LRP1B: variants seen among roughly 807,000 people sequenced by gnomAD.
The protein encoded by LRP1B is LDL receptor related protein 1B.
In LRP1B, 217 loss-of-function variants were observed where a neutral mutation model predicts 556.6. The observed-to-expected ratio is 0.39, with a 90% confidence interval of 0.35 to 0.44. The LOEUF is 0.44. Among genes scored for constraint, LRP1B ranks in the 20% least tolerant of loss-of-function variants. LRP1B has a pLI of 1.00. For synonymous variants in LRP1B, 2,047 were observed against 1,865.8 expected (o/e 1.10, Z -2.50); for missense variants, 5,053 against 5,620.8 (o/e 0.90, Z 3.23).
At chr2:141,924,510 G>A (rs1700283292) in intron 1 of LRP1B, among the ~76,000 whole-genome samples, 1 of 152,152 alleles carries the variant, frequency 6.6e-6, no homozygotes, top group Non-Finnish European at 1.5e-5. Context: ...AAAAGGCAGA[G>A]GGTCCATCGA....
Position 140,238,209 on chromosome 2 carries a change from A to G in LRP1B, c.13503T>C (p.Asp4501=), listed in dbSNP as rs1680796944. 6.2e-7 allele frequency: 1 copy of G among 1,604,936 alleles called. No individual in the cohort carries two copies. ...GNPSYNMYEV[D]HDHNDGGLLD... ...AAAGACCTCCATCGTTGTGATCATGATCTACCTCATACATGTTATAAGATG... is the reference window on the plus strand; with the variant it reads ...AAAGACCTCCATCGTTGTGATCATGGTCTACCTCATACATGTTATAAGATG... The change falls in exon 89 of 91, where the codon GAT becomes GAC. Residue 4501 remains aspartate, a synonymous_variant. Coordinates refer to ENST00000389484, the MANE Select transcript of LRP1B (RefSeq NM_018557.3).
At chr2:141,368,369 T>C (rs999762710) in intron 3 of LRP1B, among the ~76,000 whole-genome samples, 2 of 152,176 alleles carry the variant, frequency 1.3e-5, no homozygotes, top group African/African-American at 4.8e-5. Flanking sequence ...TGCAAAGCAC[T>C]GAAAACTAAT....
At chr2:141,385,183 T>C (rs1178095351) in intron 3 of LRP1B, among the ~76,000 whole-genome samples, 1 of 152,130 alleles carries the variant, frequency 6.6e-6, no homozygotes, top group Admixed American at 6.5e-5. Flanking sequence ...AGCCCAATGT[T>C]AACCACTAAT....
chr2:141,376,683 G>A (rs1559037881), intron 3 of LRP1B, among the ~76,000 whole-genome samples: 2 of 152,070 alleles, frequency 1.3e-5, no homozygotes, highest in African/African-American at 2.4e-5. Context: ...AATTTAAAAT[G>A]AGTGGCTAAA....
intron 6 of LRP1B, among the ~76,000 whole-genome samples, chr2:141,228,481 GGTGT>G (rs1019588379): frequency 3.4e-5 from 5 of 147,860 alleles, no homozygotes; most frequent in Non-Finnish European, 7.5e-5. Flanking sequence ...TGCATCTCTG[GGTGT>G]GTGTGTGTAT....
In LRP1B at chr2:140,536,714, A is replaced by G; in HGVS notation, c.7514-5T>C. The G allele has an allele frequency of 6.3e-7, 1 of 1,582,938 alleles. No homozygotes were observed. Among genetic ancestry groups the G allele is most frequent in the South Asian group, 1.2e-5 (1 of 84,964 alleles). On this transcript the variant is annotated splice_region_variant and splice_polypyrimidine_tract_variant and intron_variant, in intron 45 of 90. Coordinates refer to ENST00000389484, the MANE Select transcript of LRP1B (RefSeq NM_018557.3). ...CGTTGCAGGAGGAATTTTTAGCTGC[A>G]AGAAAAAAAAAAAAAGTCAATACTT...
At chr2:141,880,850 T>C (rs1698935250) in intron 1 of LRP1B, among the ~76,000 whole-genome samples, 1 of 148,028 alleles carries the variant, frequency 6.8e-6, no homozygotes, top group South Asian at 2.2e-4. Flanking sequence ...ACACTGTGAA[T>C]ACAATACAAA....
intron 1 of LRP1B, among the ~76,000 whole-genome samples, chr2:141,934,615 T>C (rs919369560): frequency 6.6e-6 from 1 of 151,894 alleles, no homozygotes; most frequent in Non-Finnish European, 1.5e-5. Context: ...AATCCCCACA[T>C]GTTGTGGGAG....
At chr2:141,441,103 G>T (rs566127312) in intron 3 of LRP1B, among the ~76,000 whole-genome samples, 18 of 151,870 alleles carry the variant, frequency 1.2e-4, no homozygotes, top group Middle Eastern at 6.8e-3. Flanking sequence ...CTGGGTCGGA[G>T]TCTTGCTCTG....
chr2:141,560,053 T>C (rs1686090547), intron 2 of LRP1B, among the ~76,000 whole-genome samples: 3 of 151,672 alleles, frequency 2.0e-5, no homozygotes. Flanking sequence ...CCTGCCTTCT[T>C]AATTGCTTTG....
intron 6 of LRP1B, among the ~76,000 whole-genome samples, chr2:141,216,484 TC>T (rs1682819525): frequency 2.6e-5 from 4 of 152,108 alleles, no homozygotes; most frequent in Admixed American, 2.6e-4. Flanking sequence ...CACTCAGAGT[TC>T]CCAGTGGGGC....
intron 3 of LRP1B, among the ~76,000 whole-genome samples, chr2:141,319,066 C>T (rs543605752): frequency 6.6e-6 from 1 of 152,016 alleles, no homozygotes; most frequent in South Asian, 2.1e-4. Flanking sequence ...TTGCTTTATG[C>T]CTTCCCCTAG....
intron 3 of LRP1B, among the ~76,000 whole-genome samples, chr2:141,380,721 C>A (rs1237777102): frequency 1.3e-5 from 2 of 152,176 alleles, no homozygotes; most frequent in Non-Finnish European, 2.9e-5. Flanking sequence ...CAGCTTTTTC[C>A]CCGAGGAGAG....
intron 43 of LRP1B, chr2:140,586,626 ACT>A (rs1179805562): frequency 1.3e-5 from 2 of 151,898 alleles, no homozygotes; most frequent in East Asian, 3.9e-4. Context: ...CTGAACTCCC[ACT>A]CTTCATCCAG....
At chr2:140,528,095 C>A (rs994762026) in intron 47 of LRP1B, among the ~76,000 whole-genome samples, 1 of 151,872 alleles carries the variant, frequency 6.6e-6, no homozygotes, top group Non-Finnish European at 1.5e-5. Context: ...ATAGAGAATT[C>A]TCTGTCTGAG....
chr2:140,809,127 A>G (rs1690828547), intron 32 of LRP1B, among the ~76,000 whole-genome samples: 1 of 152,068 alleles, frequency 6.6e-6, no homozygotes, highest in Admixed American at 6.6e-5. Flanking sequence ...GCAACAACAG[A>G]AGGTTATTGT....
intron 37 of LRP1B, among the ~76,000 whole-genome samples, chr2:140,710,671 C>T (rs1356691889): frequency 6.6e-6 from 1 of 151,568 alleles, no homozygotes; most frequent in African/African-American, 2.4e-5. Flanking sequence ...TCAGAGAGAA[C>T]CAGAAAATGC....
intron 35 of LRP1B, among the ~76,000 whole-genome samples, chr2:140,758,160 C>CA (rs1173128299): frequency 6.6e-6 from 1 of 151,818 alleles, no homozygotes; most frequent in African/African-American, 2.4e-5. Flanking sequence ...AGAAACAATC[C>CA]AAATATCCAA....
At chr2:141,215,045 C>T (rs530189884) in intron 6 of LRP1B, among the ~76,000 whole-genome samples, 162 of 152,230 alleles carry the variant, frequency 1.1e-3, no homozygotes, top group African/African-American at 3.4e-3. Context: ...TTGTAATCCC[C>T]GATGTTGGAG....
Sources: allele counts gnomAD v4.1 joint callset (sites outside exome capture counted in the v4.1 genomes callset), GRCh38; gene constraint gnomAD v4.1.1; transcripts MANE v1.5; gene names NCBI Gene and HGNC (gene_info 2026-07-23, HGNC 2026-07-21).